PAPLN: variants seen among roughly 807,000 people sequenced by gnomAD.
PAPLN encodes papilin.
In PAPLN, 146 loss-of-function variants were observed where a neutral mutation model predicts 159.0. That is an observed-to-expected ratio of 0.92 (90% CI 0.80 to 1.05). The LOEUF (loss-of-function observed/expected upper bound fraction) is 1.05. PAPLN is among the 50% of genes least tolerant of loss of function. The pLI is 0.00. For missense variants in PAPLN, 1,720 were observed against 1,743.9 expected, an observed-to-expected ratio of 0.99 and a Z score of 0.24; for synonymous variants, 734 against 702.9, an observed-to-expected ratio of 1.04 and a Z score of -0.70.
chr14:73,264,354 T>C lies in PAPLN; in HGVS notation c.2986+19T>C, dbSNP rs1886990198. The C allele has an allele frequency of 1.2e-6, 2 of 1,607,440 alleles. No homozygotes were observed. The highest frequency in any genetic ancestry group is 1.7e-6 in the Non-Finnish European group (2 of 1,176,108). ...ATCATAGGTCTCTGTCCCCACCCCA[T>C]CCACCAGTGCGTTCTCAGGGGCCCG... On this transcript the variant is annotated intron_variant, in intron 21 of 26. Transcript: ENST00000644200.
intron 1 of PAPLN, 177 bp from the exon 2 acceptor site, chr14:73,239,596 C>T (rs1287855268): frequency 1.6e-6 from 2 of 1,273,042 alleles, no homozygotes; most frequent in African/African-American, 3.2e-5. Flanking sequence ...TTGAGCCGCC[C>T]GGCGGGGCGC....
intron 18 of PAPLN, 122 bp downstream of exon 18, chr14:73,261,416 A>C: frequency 7.4e-7 from 1 of 1,356,942 alleles, no homozygotes; most frequent in Non-Finnish European, 9.8e-7. Context: ...TCCTACCACA[A>C]ATGTTGATTG....
rs1885173630 is a variant in PAPLN at position 73,250,894 on chromosome 14, T to A, written c.466-13T>A. 6.2e-7 allele frequency: 1 copy of A among 1,606,760 alleles called. No individual in the cohort carries two copies. Among genetic ancestry groups the A allele is most frequent in the South Asian group, 1.1e-5 (1 of 90,196 alleles). ...GATGCCGTCTCCCCTGCCTCCCGCA[T>A]CTCTGCCCACAGGTTGTCGGCTGTG... On this transcript the variant is annotated splice_polypyrimidine_tract_variant and intron_variant, in intron 6 of 26. Transcript: ENST00000644200.
intron 23 of PAPLN, among the ~76,000 whole-genome samples, 198 bp from the exon 24 acceptor site, chr14:73,266,303 C>T (rs1224368688): frequency 1.3e-5 from 2 of 152,154 alleles, no homozygotes; most frequent in East Asian, 3.9e-4. Context: ...CCACCGAAAG[C>T]GCCAGCAGCT....
intron 6 of PAPLN, 82 bp downstream of exon 6, chr14:73,250,196 C>A: frequency 6.9e-7 from 1 of 1,439,072 alleles, no homozygotes; most frequent in Non-Finnish European, 9.1e-7. Context: ...CACCCATAGG[C>A]CCAGGTAGCT....
rs190725546 is a variant in PAPLN, at chr14:73,261,772, G to A, written c.2245+478G>A. 7.9e-5 allele frequency among the ~76,000 whole-genome samples: 12 copies of A among 152,322 alleles called. No individual in the cohort carries two copies. The East Asian group carries it at 1.7e-3, about 22-fold the overall frequency. ...AACCATCACGAGGACCTCAAAAGCC[G>A]GGCTAGGGCTGTGGTCAGGGCTCGC... On this transcript the variant is annotated intron_variant, in intron 18 of 26. Transcript: ENST00000644200.
chr14:73,258,888 A>G (rs1283857598), intron 14 of PAPLN, 91 bp from the exon 15 acceptor site: 5 of 1,210,218 alleles, frequency 4.1e-6, no homozygotes, highest in Non-Finnish European at 5.5e-6. Context: ...GCAGTGGGGT[A>G]GAAGCCAGTG....
Position 73,248,075 on chromosome 14 carries a change from C to CTGTGTGTGTGTG in PAPLN, c.335-1888_335-1877dup, listed in dbSNP as rs71112722. On this transcript the variant is annotated intron_variant, in intron 5 of 26. Transcript: ENST00000644200. ...TGGCCCAGTGGGAGTCTCATATCCT[C>CTGTGTGTGTGTG]TGTGTGTGTGTGTGTGTGTGTGTGT... Among the ~76,000 whole-genome samples the CTGTGTGTGTGTG allele has an allele frequency of 1.0e-3, 46 of 45,602 alleles. 5 individuals carry two copies. The highest frequency in any genetic ancestry group is 4.2e-3 in the African/African-American group (27 of 6,396). 29.9% of individuals were successfully genotyped at this position (45,602 alleles called of 152,430 possible).
intron 5 of PAPLN, among the ~76,000 whole-genome samples, chr14:73,247,106 C>T (rs1884486395): frequency 6.6e-6 from 1 of 152,108 alleles, no homozygotes. Context: ...CGCACAGAGA[C>T]GGAGATGGGG....
At chr14:73,239,690 A>G in intron 1 of PAPLN, 83 bp from the exon 2 acceptor site, 1 of 1,524,136 alleles carries the variant, frequency 6.6e-7, no homozygotes, top group South Asian at 1.2e-5. Flanking sequence ...GGCCATAGGG[A>G]GAGACGCGCC....
chr14:73,247,544 T>C (rs748984150), intron 5 of PAPLN, among the ~76,000 whole-genome samples: 1 of 131,556 alleles, frequency 7.6e-6, no homozygotes, highest in East Asian at 2.4e-4. Flanking sequence ...GTTGTGGGGA[T>C]CGTGGCTGTG....
Position 73,239,768 on chromosome 14 carries a change from C to T in PAPLN, c.-6-5C>T, listed in dbSNP as rs1883330658. On this transcript the variant is annotated splice_polypyrimidine_tract_variant and splice_region_variant and intron_variant, in intron 1 of 26. Transcript: ENST00000644200. Reference sequence around the variant, plus strand: ...GGCCGCTCTAACCCAATGCGTCTCCCGCAGGCTGAGATGCGGCTGCTCCTG... The same window carrying T: ...GGCCGCTCTAACCCAATGCGTCTCCTGCAGGCTGAGATGCGGCTGCTCCTG... 1 of 1,588,274 alleles carries T rather than the reference C, an allele frequency of 6.3e-7. No homozygotes were observed. Among genetic ancestry groups the T allele is most frequent in the Non-Finnish European group, 8.5e-7 (1 of 1,173,864 alleles).
Position 73,265,513 on chromosome 14 carries a change from T to C in PAPLN, c.3263+6T>C. On this transcript the variant is annotated splice_donor_region_variant and intron_variant, in intron 23 of 26. Transcript: ENST00000644200. This position sits in a 1 kb window ranked among gnomAD's most constrained non-coding sequence, Gnocchi z 4.1. The stretch of plus-strand genomic sequence containing the variant: ...CAGCCTGTCTCTTCTCCCAGGTTTA[T>C]TTGACTCCTCTCCCCTTCCTCCTAT... 4 of 1,613,284 alleles carry C rather than the reference T, an allele frequency of 2.5e-6. No individual in the cohort carries two copies. The South Asian group carries it at 4.4e-5, about 18-fold the overall frequency.
chr14:73,250,870 A>G, intron 6 of PAPLN, 37 bp from the exon 7 acceptor site: 2 of 1,572,362 alleles, frequency 1.3e-6, no homozygotes, highest in African/African-American at 1.3e-5. Context: ...TGTGGCCATG[A>G]TGCCGTCTCC....
intron 10 of PAPLN, among the ~76,000 whole-genome samples, chr14:73,252,376 C>T (rs559871866): frequency 4.0e-5 from 6 of 150,458 alleles, no homozygotes; most frequent in South Asian, 2.1e-4. Flanking sequence ...CCAGAGTCAG[C>T]GGCATCTCAT....
Position 73,254,799 on chromosome 14 carries a change from C to T in PAPLN, c.1486-78C>T, listed in dbSNP as rs1594803988. 1.1e-5 allele frequency: 18 copies of T among 1,593,210 alleles called. No homozygotes were observed. The East Asian group carries it at 3.6e-4, about 32-fold the overall frequency. ...CCTGACACGCGCCACTGGGCACCTT[C>T]CCCTGCCTCTCTCCATGTGGGTCCC... On this transcript the variant is annotated intron_variant, in intron 13 of 26. Transcript: ENST00000644200.
intron 26 of PAPLN, among the ~76,000 whole-genome samples, chr14:73,269,639 G>A (rs1488561234): frequency 2.0e-5 from 3 of 152,204 alleles, no homozygotes; most frequent in Non-Finnish European, 4.4e-5. Flanking sequence ...GGCTTTGCTC[G>A]TCCCCCAGCC....
Position 73,265,476 on chromosome 14 carries a change from C to T in PAPLN, c.3232C>T (p.Gln1078Ter), listed in dbSNP as rs1566707333. 1 of 1,613,932 alleles carries T rather than the reference C, an allele frequency of 6.2e-7. No homozygotes were observed. The highest frequency in any genetic ancestry group is 1.7e-5 in the Admixed American group (1 of 60,018). The change falls in exon 23 of 27, where the codon CAG becomes TAG. Residue 1078 changes from glutamine (Q) to a stop codon, truncating the protein, a stop_gained. Coordinates refer to ENST00000644200, the MANE Select transcript of PAPLN (RefSeq NM_001365906.3). LOFTEE classifies it high-confidence loss of function. The surrounding 1 kb of genome is among the most constrained non-coding windows in gnomAD (Gnocchi z 4.1). ...CTTCCCGCCCCCAGCCATCGAGTGGCAGAGAGATGGGCAGCCTGTCTCTTC... is the reference window on the plus strand; with the variant it reads ...CTTCCCGCCCCCAGCCATCGAGTGGTAGAGAGATGGGCAGCCTGTCTCTTC... ...EGFPPPAIEW[Q>*]RDGQPVSSPR...
rs1327785559 is a variant in PAPLN, at chr14:73,252,651, C to T, written c.970C>T (p.His324Tyr). 1 of 1,612,352 alleles carries T rather than the reference C, an allele frequency of 6.2e-7. No homozygotes were observed. The highest frequency in any genetic ancestry group is 8.5e-7 in the Non-Finnish European group (1 of 1,179,840). Residue 324 changes from histidine to tyrosine, a missense_variant and splice_region_variant, in exon 11 of 27, where the codon CAC (histidine) becomes TAC (tyrosine). Physicochemically the swap from His to Tyr is moderately conservative, Grantham distance 83. Transcript: ENST00000644200. The part of the protein sequence containing the change: ...SDCSAECGGG[H>Y]QSRLVFCTID... ...GCCATGGCTGGGCCTCTGCGCAGGT[C>T]ACCAGTCCCGCCTGGTGTTCTGCAC...
Sources: allele counts gnomAD v4.1 joint callset (sites outside exome capture counted in the v4.1 genomes callset), GRCh38; gene constraint gnomAD v4.1.1; non-coding constraint Gnocchi (gnomAD v3.1); transcripts MANE v1.5; gene names NCBI Gene and HGNC (gene_info 2026-07-23, HGNC 2026-07-21).